SIK2: variants seen among roughly 807,000 people sequenced by gnomAD.
SIK2 encodes the protein salt inducible kinase 2.
Under a neutral mutation model 103.2 loss-of-function variants are expected in SIK2, and 29 were observed. The observed-to-expected ratio is 0.28, with a 90% CI of 0.21 to 0.38. The LOEUF (loss-of-function observed/expected upper bound fraction) is 0.38, where lower values mean the gene tolerates loss of function less well. SIK2 is among the 10% of genes least tolerant of loss of function. The pLI is 1.00. For synonymous variants in SIK2, 412 were observed against 446.1 expected, an observed-to-expected ratio of 0.92 and a Z score of 0.96; for missense variants, 879 against 1,171.0, an observed-to-expected ratio of 0.75 and a Z score of 3.64.
chr11:111,639,911 C>A (rs1942158549), intron 3 of SIK2, among the ~76,000 whole-genome samples: 1 of 152,156 alleles, frequency 6.6e-6, no homozygotes, highest in South Asian at 2.1e-4. Flanking sequence ...CCACCTTGGA[C>A]ACTGCCCTGT....
Position 111,723,916 on chromosome 11 carries a change from C to T in SIK2, c.2568C>T (p.Ser856=). The T allele has an allele frequency of 6.2e-7, 1 of 1,613,858 alleles. No individual in the cohort carries two copies. Among genetic ancestry groups the T allele is most frequent in the Middle Eastern group, 1.6e-4 (1 of 6,062 alleles). The stretch of plus-strand genomic sequence containing the variant: ...CTTGTGAGCTGCCAAGCGCTGCTTC[C>T]CCTGCGCCAGACTATCCCACTCCCT... ...YQTCELPSAA[S]PAPDYPTPCQ... is the part of the protein sequence containing the mutation. The change falls in exon 15 of 15, where the codon TCC becomes TCT. Residue 856 remains serine, a synonymous_variant. Coordinates refer to ENST00000304987, the MANE Select transcript of SIK2 (RefSeq NM_015191.3).
intron 4 of SIK2, among the ~76,000 whole-genome samples, chr11:111,696,989 C>G (rs1201758010): frequency 2.6e-5 from 4 of 152,128 alleles, no homozygotes; most frequent in Admixed American, 2.6e-4. Flanking sequence ...TTAAAAGGCT[C>G]TTATTTTTAA....
chr11:111,712,412 T>C, intron 9 of SIK2, 37 bp downstream of exon 9: 1 of 1,587,168 alleles, frequency 6.3e-7, no homozygotes, highest in East Asian at 2.3e-5. Flanking sequence ...ACTGGCAGTT[T>C]GGCGAGAGAT....
At chr11:111,606,068 G>T (rs1368405404) in intron 1 of SIK2, among the ~76,000 whole-genome samples, 1 of 152,092 alleles carries the variant, frequency 6.6e-6, no homozygotes, top group Admixed American at 6.5e-5. Flanking sequence ...GGCAATAGTG[G>T]TTGCTTGTTT....
At chr11:111,604,801 A>G (rs1941626932) in intron 1 of SIK2, among the ~76,000 whole-genome samples, 1 of 152,200 alleles carries the variant, frequency 6.6e-6, no homozygotes, top group East Asian at 1.9e-4. Context: ...ATTAACATAT[A>G]AAAAGAAATA....
intron 1 of SIK2, among the ~76,000 whole-genome samples, chr11:111,608,542 A>G (rs1417357553): frequency 6.6e-6 from 1 of 152,248 alleles, no homozygotes; most frequent in Non-Finnish European, 1.5e-5. Flanking sequence ...TTTTATATGT[A>G]TGTAATAAAA....
At chr11:111,603,721 G>T (rs1474876612) in intron 1 of SIK2, among the ~76,000 whole-genome samples, 2 of 152,108 alleles carry the variant, frequency 1.3e-5, no homozygotes, top group African/African-American at 4.8e-5. Context: ...AAAACCTAGT[G>T]GTTTTGACGT....
chr11:111,698,167 T>C (rs75830021), intron 4 of SIK2, among the ~76,000 whole-genome samples: 1 of 152,178 alleles, frequency 6.6e-6, no homozygotes, highest in South Asian at 2.1e-4. Context: ...CTACAGAAAA[T>C]AGAAATAACT....
chr11:111,625,042 A>C (rs558426287), intron 3 of SIK2, among the ~76,000 whole-genome samples: 2 of 152,228 alleles, frequency 1.3e-5, no homozygotes, highest in South Asian at 4.2e-4. Context: ...CAAGCAAGAG[A>C]GAAGAGCAAG....
At chr11:111,674,850 G>A (rs1308285468) in intron 3 of SIK2, among the ~76,000 whole-genome samples, 5 of 152,086 alleles carry the variant, frequency 3.3e-5, no homozygotes, top group South Asian at 2.1e-4. Context: ...AGGTTCAAGC[G>A]ATTCTCCTGC....
chr11:111,665,887 G>C (rs530311293), intron 3 of SIK2, among the ~76,000 whole-genome samples: 2 of 151,678 alleles, frequency 1.3e-5, no homozygotes, highest in Admixed American at 6.6e-5. Context: ...TATTGGAAAA[G>C]CACTAAACCT....
At chr11:111,611,696 G>C (rs137964848) in intron 1 of SIK2, among the ~76,000 whole-genome samples, 102 of 152,146 alleles carry the variant, frequency 6.7e-4, no homozygotes, top group African/African-American at 2.4e-3. Flanking sequence ...TTTATTGAAA[G>C]TTTTTTTAAG....
intron 3 of SIK2, among the ~76,000 whole-genome samples, chr11:111,670,729 C>G (rs948354778): frequency 6.6e-6 from 1 of 152,172 alleles, no homozygotes; most frequent in Admixed American, 6.5e-5. Context: ...GTTGGCAGAG[C>G]TAGCTGGGGC....
In SIK2 at chr11:111,701,064, T is replaced by C; in HGVS notation, c.603+54T>C. On this transcript the variant is annotated intron_variant, in intron 5 of 14. Coordinates refer to ENST00000304987, the MANE Select transcript of SIK2 (RefSeq NM_015191.3). This position sits in a 1 kb window ranked among gnomAD's most constrained non-coding sequence, Gnocchi z 4.2. ...ATGCATCTATACTGATAATACTTGG[T>C]GTTCTGGCCCATCTTAGAAGCTCCT... The C allele has an allele frequency of 6.4e-7, 1 of 1,573,912 alleles. No homozygotes were observed. The highest frequency in any genetic ancestry group is 8.6e-7 in the Non-Finnish European group (1 of 1,156,824).
chr11:111,627,627 A>G (rs1941977816), intron 3 of SIK2, among the ~76,000 whole-genome samples: 1 of 152,152 alleles, frequency 6.6e-6, no homozygotes, highest in Non-Finnish European at 1.5e-5. Flanking sequence ...CCAATTGGAG[A>G]CTTAGATGGA....
intron 3 of SIK2, among the ~76,000 whole-genome samples, chr11:111,652,923 G>C (rs1942345838): frequency 6.6e-6 from 1 of 152,160 alleles, no homozygotes; most frequent in African/African-American, 2.4e-5. Flanking sequence ...CCATTATAAT[G>C]GTGTTTCTCA....
intron 4 of SIK2, among the ~76,000 whole-genome samples, chr11:111,698,793 C>T (rs1318057622): frequency 6.6e-6 from 1 of 152,228 alleles, no homozygotes; most frequent in Admixed American, 6.5e-5. Context: ...AAAACTCATC[C>T]TGTGATTATG....
chr11:111,674,675 TTG>T (rs986349562), intron 3 of SIK2, among the ~76,000 whole-genome samples: 9 of 152,224 alleles, frequency 5.9e-5, no homozygotes, highest in Non-Finnish European at 1.3e-4. Flanking sequence ...CTTTGTACAA[TTG>T]TGAGTTTTAT....
intron 3 of SIK2, among the ~76,000 whole-genome samples, chr11:111,666,419 T>G (rs1942543037): frequency 6.6e-6 from 1 of 152,144 alleles, no homozygotes; most frequent in South Asian, 2.1e-4. Flanking sequence ...AGTGCTTATA[T>G]TTGTAACAGA....
Sources: gnomAD v4.1 joint callset for allele counts (sites outside exome capture counted in the v4.1 genomes callset) on GRCh38, gnomAD v4.1.1 for gene constraint, Gnocchi (gnomAD v3.1) non-coding constraint, MANE v1.5 for transcripts, NCBI Gene and HGNC (gene_info 2026-07-23, HGNC 2026-07-21) for gene names.